Variants in STOX2 observed in about 807,000 individuals in gnomAD.
The protein encoded by STOX2 is storkhead-box protein 2.
A neutral mutation model predicts 60.9 loss-of-function variants in STOX2; 28 were observed. That is an observed-to-expected ratio of 0.46 (90% CI 0.34 to 0.63). STOX2 has a LOEUF of 0.63. STOX2 is among the 30% of genes least tolerant of loss of function. The pLI is 0.01. For synonymous variants in STOX2, 472 were observed against 463.9 expected (o/e 1.02, Z -0.22); for missense variants, 1,024 against 1,187.7 (o/e 0.86, Z 2.03).
At chr4:183,910,412 T>G (rs1741745279) in intron 1 of STOX2, among the ~76,000 whole-genome samples, 1 of 152,200 alleles carries the variant, frequency 6.6e-6, no homozygotes, top group Non-Finnish European at 1.5e-5. Context: ...AACCTTTTGT[T>G]GATGAAGTTG....
intron 1 of STOX2, among the ~76,000 whole-genome samples, chr4:183,990,560 G>C (rs191790300): frequency 0.017 from 2,395 of 143,804 alleles, 68 homozygotes; most frequent in African/African-American, 0.057. Flanking sequence ...TAGGAAGAGG[G>C]GCAGTTTAAA....
At chr4:183,956,290 CA>C (rs2111154690) in intron 1 of STOX2, among the ~76,000 whole-genome samples, 1 of 152,252 alleles carries the variant, frequency 6.6e-6, no homozygotes, top group African/African-American at 2.4e-5. Context: ...AGAAAAGTTA[CA>C]AAGTACATGA....
At chr4:184,000,637 A>G (rs1335874799) in intron 1 of STOX2, among the ~76,000 whole-genome samples, 1 of 152,088 alleles carries the variant, frequency 6.6e-6, no homozygotes, top group East Asian at 1.9e-4. Flanking sequence ...CCCCGCAGGG[A>G]CACACCTACT....
chr4:183,980,987 C>T (rs763938089), intron 1 of STOX2, among the ~76,000 whole-genome samples: 36 of 152,118 alleles, frequency 2.4e-4, no homozygotes, highest in Admixed American at 2.0e-4. Context: ...TAAAAGAGCT[C>T]TAGGACTCAA....
At chr4:183,857,301 C>CGT (rs1157495542) in intron 1 of STOX2, among the ~76,000 whole-genome samples, 2,628 of 110,032 alleles carry the variant, frequency 0.024, 14 homozygotes, top group East Asian at 0.038. Context: ...GGTCATTCCA[C>CGT]AGGACTGGTT....
At chr4:184,008,316 A>G (rs1427639554) in intron 2 of STOX2, among the ~76,000 whole-genome samples, 1 of 152,230 alleles carries the variant, frequency 6.6e-6, no homozygotes, top group African/African-American at 2.4e-5. Context: ...CGAGGCATAA[A>G]CATGCACAAA....
At chr4:183,969,501 C>G (rs1743675409) in intron 1 of STOX2, among the ~76,000 whole-genome samples, 2 of 152,188 alleles carry the variant, frequency 1.3e-5, no homozygotes, top group Non-Finnish European at 2.9e-5. Context: ...CTCCCGGGCT[C>G]AAGCCACCCT....
chr4:184,014,110 CAAAAAAAAA>C (rs10527539), intron 3 of STOX2: 1,710 of 138,498 alleles, frequency 0.012, 12 homozygotes, highest in Middle Eastern at 0.015. Context: ...AAGCCCCAAC[CAAAAAAAAA>C]AAAAAAAAAA....
chr4:183,883,696 A>C (rs1741010149), intron 1 of STOX2, among the ~76,000 whole-genome samples: 1 of 152,158 alleles, frequency 6.6e-6, no homozygotes, highest in Admixed American at 6.5e-5. Context: ...GTTAAGAATG[A>C]TGGGTGTTTT....
rs1198301530 is a variant in STOX2, at chr4:184,010,491, T to C, written c.1653T>C (p.Tyr551=). The C allele has an allele frequency of 1.2e-6, 2 of 1,613,706 alleles. No individual in the cohort carries two copies. The highest frequency in any genetic ancestry group is 2.7e-5 in the African/African-American group (2 of 74,914). ...LQRAHISSTS[Y]KEVCIPEIVS... is the part of the protein sequence containing the mutation. The stretch of plus-strand genomic sequence containing the variant: ...GGGCTCACATTTCGTCCACAAGCTA[T>C]AAAGAGGTGTGTATTCCAGAGATAG... The change falls in exon 3 of 4, where the codon TAT becomes TAC. Residue 551 remains tyrosine (Y), a synonymous_variant. Transcript: ENST00000308497. The surrounding 1 kb of genome is among the most constrained non-coding windows in gnomAD (Gnocchi z 4.5).
At chr4:183,854,703 T>G (rs1394510478) in intron 1 of STOX2, among the ~76,000 whole-genome samples, 2 of 152,224 alleles carry the variant, frequency 1.3e-5, no homozygotes, top group Non-Finnish European at 2.9e-5. Flanking sequence ...AACTTTCTCA[T>G]AAATGATTTT....
intron 1 of STOX2, among the ~76,000 whole-genome samples, chr4:183,866,103 CA>C (rs1740560771): frequency 6.6e-6 from 1 of 152,084 alleles, no homozygotes; most frequent in Non-Finnish European, 1.5e-5. Context: ...TGCTGATGAA[CA>C]ATTGTTTTCA....
At chr4:184,003,217 AT>A (rs964806192) in intron 2 of STOX2, among the ~76,000 whole-genome samples, 1 of 152,184 alleles carries the variant, frequency 6.6e-6, no homozygotes, top group African/African-American at 2.4e-5. Context: ...AAATCCTTTT[AT>A]TTTTATATAG....
chr4:184,014,785 G>T (rs975474326), intron 3 of STOX2: 1 of 152,004 alleles, frequency 6.6e-6, no homozygotes, highest in African/African-American at 2.4e-5. Context: ...CTATTAATAT[G>T]TTGGCTGTGA....
At chr4:184,007,008 T>C (rs1733884482) in intron 2 of STOX2, among the ~76,000 whole-genome samples, 1 of 85,476 alleles carries the variant, frequency 1.2e-5, no homozygotes, top group Non-Finnish European at 2.0e-5. Context: ...AGAGCGAGAC[T>C]CTGTCTCAAA....
intron 3 of STOX2, chr4:184,015,322 A>G (rs902297675): frequency 6.6e-6 from 1 of 152,164 alleles, no homozygotes; most frequent in Non-Finnish European, 1.5e-5. Flanking sequence ...GCCACTGGTG[A>G]GTTTTCCTGG....
At chr4:183,861,103 C>G (rs1740429937) in intron 1 of STOX2, among the ~76,000 whole-genome samples, 1 of 152,204 alleles carries the variant, frequency 6.6e-6, no homozygotes, top group African/African-American at 2.4e-5. Flanking sequence ...GCATTTTCTC[C>G]CCACTACTTC....
intron 1 of STOX2, among the ~76,000 whole-genome samples, chr4:183,818,544 A>C (rs966710097): frequency 1.3e-5 from 2 of 152,010 alleles, no homozygotes; most frequent in South Asian, 2.1e-4. Context: ...TTTTCCCCAC[A>C]TTTCCCCCTT....
intron 1 of STOX2, among the ~76,000 whole-genome samples, chr4:183,864,539 G>A (rs976203604): frequency 2.2e-4 from 34 of 152,018 alleles, no homozygotes; most frequent in Non-Finnish European, 4.4e-4. Context: ...GATTACAGGC[G>A]CCCACCACCA....
Sources: gnomAD v4.1 joint callset for allele counts (sites outside exome capture counted in the v4.1 genomes callset) on GRCh38, gnomAD v4.1.1 for gene constraint, Gnocchi (gnomAD v3.1) non-coding constraint, MANE v1.5 for transcripts, NCBI Gene and HGNC (gene_info 2026-07-23, HGNC 2026-07-21) for gene names.